Variants in CPEB2 observed in about 807,000 individuals in gnomAD.
CPEB2 encodes cytoplasmic polyadenylation element-binding protein 2.
In CPEB2, 56 loss-of-function variants were observed where a neutral mutation model predicts 93.6. That is an observed-to-expected ratio of 0.60 (90% CI 0.48 to 0.75). The LOEUF (loss-of-function observed/expected upper bound fraction) is 0.75, where lower values mean the gene tolerates loss of function less well. Among genes scored for constraint, CPEB2 ranks in the 30% least tolerant of loss-of-function variants. CPEB2 has a pLI of 0.00. For missense variants in CPEB2, 1,579 were observed against 1,395.1 expected (o/e 1.13, Z -2.10); for synonymous variants, 764 against 586.3 (o/e 1.30, Z -4.38).
chr4:15,003,120 C>G lies in CPEB2; in HGVS notation c.447C>G (p.Ser149=), dbSNP rs1191527538. 2 of 1,532,826 alleles carry G rather than the reference C, an allele frequency of 1.3e-6. No individual in the cohort carries two copies. Among genetic ancestry groups the G allele is most frequent in the Non-Finnish European group, 1.7e-6 (2 of 1,145,728 alleles). 95.0% of individuals were successfully genotyped at this position (1,532,826 alleles called of 1,614,324 possible). The change falls in exon 1 of 12, where the codon TCC becomes TCG. Residue 149 remains serine (S), a synonymous_variant. Transcript: ENST00000538197. The part of the protein sequence containing the change: ...DFKPSLHHPS[S]SSASSCCCCR... ...AACCGAGTCTGCACCACCCCTCCTCCTCCTCCGCCTCCTCCTGCTGCTGCT... is the reference window on the plus strand; with the variant it reads ...AACCGAGTCTGCACCACCCCTCCTCGTCCTCCGCCTCCTCCTGCTGCTGCT...
chr4:15,004,511 C>T (rs566530730), intron 1 of CPEB2, among the ~76,000 whole-genome samples, 176 bp downstream of exon 1: 348 of 152,188 alleles, frequency 2.3e-3, no homozygotes, highest in Middle Eastern at 3.4e-3. Flanking sequence ...GACTCGGAAC[C>T]CCAGCCCCCG....
intron 6 of CPEB2, among the ~76,000 whole-genome samples, chr4:15,048,562 G>A (rs902467093): frequency 1.3e-5 from 2 of 151,906 alleles, no homozygotes; most frequent in African/African-American, 4.8e-5. Context: ...GTTGATTGAT[G>A]TCTCTTTTTT....
At chr4:15,050,681 C>T (rs1728145093) in intron 6 of CPEB2, among the ~76,000 whole-genome samples, 1 of 152,082 alleles carries the variant, frequency 6.6e-6, no homozygotes, top group Admixed American at 6.5e-5. Context: ...CTCTTTCGTT[C>T]TTTTATTGGT....
rs1386794561 is a variant in CPEB2, at chr4:15,007,457, A to G, written c.1815A>G (p.Lys605=). ...TGAATCAGATATCTCCATTGAAGAA[A>G]CCGTTTTCTGGTAATGTCATAGCAC... The part of the protein sequence containing the change: ...GTMNQISPLK[K]PFSGNVIAPP... Residue 605 remains lysine, a synonymous_variant, in exon 2 of 12, where the codon AAA becomes AAG. Coordinates refer to ENST00000538197, the MANE Select transcript of CPEB2 (RefSeq NM_001177382.2). The G allele has an allele frequency of 1.2e-6, 2 of 1,614,054 alleles. No homozygotes were observed. Among genetic ancestry groups the G allele is most frequent in the Non-Finnish European group, 8.5e-7 (1 of 1,179,998 alleles).
intron 4 of CPEB2, 106 bp downstream of exon 4, chr4:15,017,384 A>G (rs926572276): frequency 4.2e-5 from 22 of 521,306 alleles, no homozygotes; most frequent in African/African-American, 4.1e-4. Context: ...TATCCAATAT[A>G]AAACTCTCTT....
intron 3 of CPEB2, among the ~76,000 whole-genome samples, chr4:15,008,854 A>G (rs190936868): frequency 1.3e-5 from 2 of 152,300 alleles, no homozygotes; most frequent in Non-Finnish European, 2.9e-5. Flanking sequence ...GTTTTGAGAT[A>G]TATTTCTAAA....
At chr4:15,013,583 T>A (rs1723759652) in intron 3 of CPEB2, among the ~76,000 whole-genome samples, 1 of 152,110 alleles carries the variant, frequency 6.6e-6, no homozygotes, top group African/African-American at 2.4e-5. Flanking sequence ...GCATGAGTGT[T>A]TGTTTTATAA....
intron 6 of CPEB2, among the ~76,000 whole-genome samples, chr4:15,050,254 G>T (rs1411633806): frequency 2.6e-5 from 4 of 152,154 alleles, no homozygotes; most frequent in Non-Finnish European, 5.9e-5. Flanking sequence ...TGAACTGCAT[G>T]TGTGAAGGAT....
chr4:15,051,141 TC>T (rs1374856232), intron 6 of CPEB2, among the ~76,000 whole-genome samples: 2 of 152,160 alleles, frequency 1.3e-5, no homozygotes, highest in Non-Finnish European at 2.9e-5. Flanking sequence ...GTGACTGCCA[TC>T]CATCCTTTGT....
chr4:15,002,892 G>C lies in CPEB2; in HGVS notation c.219G>C (p.Ala73=), dbSNP rs944212265. Residue 73 remains alanine, a synonymous_variant, in exon 1 of 12, where the codon GCG becomes GCC. Coordinates refer to ENST00000538197, the MANE Select transcript of CPEB2 (RefSeq NM_001177382.2). ...SPFSVPLGGG[A]GSPAAAASSS... ...TCTCCGTCCCCCTCGGCGGCGGCGC[G>C]GGCAGCCCGGCCGCCGCCGCTTCCT... The C allele has an allele frequency of 7.3e-6, 11 of 1,513,452 alleles. 1 individual carries two copies. The African/African-American group carries it at 1.6e-4, about 21-fold the overall frequency. The allele number at this position is 1,513,452 out of a possible 1,614,324, so 93.8% of individuals were successfully genotyped here.
chr4:15,066,677 C>T lies in CPEB2; in HGVS notation c.*297C>T, dbSNP rs1165551498. The T allele has an allele frequency of 8.4e-6, 3 of 357,862 alleles. No homozygotes were observed. Among genetic ancestry groups the T allele is most frequent in the East Asian group, 5.8e-5 (1 of 17,186 alleles). 22.2% of individuals were successfully genotyped at this position (357,862 alleles called of 1,614,324 possible). A position where few individuals can be genotyped will look rare whatever the true frequency, so the allele number is the denominator to read the frequency against. ...TAAAATTAGATATGAGAATGTTTTG[C>T]GTAGGGGCAACACAGTCTGCTGCTA... On this transcript the variant is annotated 3_prime_UTR_variant, in exon 12 of 12. Coordinates refer to ENST00000538197, the MANE Select transcript of CPEB2 (RefSeq NM_001177382.2).
chr4:15,014,755 TTAGA>T (rs1010936640), intron 3 of CPEB2, among the ~76,000 whole-genome samples: 7 of 152,062 alleles, frequency 4.6e-5, no homozygotes, highest in Non-Finnish European at 8.8e-5. Context: ...TATTCTGTAA[TTAGA>T]TAGTCCCTAT....
intron 5 of CPEB2, among the ~76,000 whole-genome samples, chr4:15,038,749 C>T (rs1203589615): frequency 2.6e-5 from 4 of 151,980 alleles, no homozygotes; most frequent in African/African-American, 7.3e-5. Flanking sequence ...CCACCACGCC[C>T]GGCTAATTTT....
In CPEB2 at chr4:15,004,125, C is replaced by G. The variant is rs776402861; in HGVS notation, c.1452C>G (p.Gly484=). Residue 484 remains glycine (G), a synonymous_variant, in exon 1 of 12, where the codon GGC becomes GGG. Coordinates refer to ENST00000538197, the MANE Select transcript of CPEB2 (RefSeq NM_001177382.2). ...TCAGCGTTCCGACGAGCGGCGGCGG[C>G]GGCGGCGGCTTCGGCGGCCCCTTCT... ...TGLSVPTSGG[G]GGGFGGPFSA... is the part of the protein sequence containing the mutation. The G allele has an allele frequency of 7.6e-5, 115 of 1,513,130 alleles. No homozygotes were observed. The highest frequency in any genetic ancestry group is 4.4e-4 in the East Asian group (16 of 36,372). 93.7% of individuals were successfully genotyped at this position (1,513,130 alleles called of 1,614,324 possible).
intron 4 of CPEB2, among the ~76,000 whole-genome samples, chr4:15,029,542 A>G (rs1010275115): frequency 3.3e-5 from 5 of 152,136 alleles, no homozygotes; most frequent in African/African-American, 1.2e-4. Context: ...TTATGAAATT[A>G]TCATATTTTC....
chr4:15,065,968 CAGATTTT>C (rs1729671185), intron 11 of CPEB2, among the ~76,000 whole-genome samples, 178 bp from the exon 12 acceptor site: 2 of 152,022 alleles, frequency 1.3e-5, no homozygotes, highest in South Asian at 4.1e-4. Flanking sequence ...TTTTGCAAAT[CAGATTTT>C]TATAGATTTT....
At chr4:15,014,259 C>T (rs1723839077) in intron 3 of CPEB2, among the ~76,000 whole-genome samples, 1 of 151,912 alleles carries the variant, frequency 6.6e-6, no homozygotes, top group South Asian at 2.1e-4. Flanking sequence ...AAGTTAACAA[C>T]CTAAAAAGAT....
Position 15,004,304 on chromosome 4 carries a change from T to C in CPEB2, c.1631T>C (p.Leu544Pro). The C allele has an allele frequency of 1.3e-6, 2 of 1,489,694 alleles. No individual in the cohort carries two copies. Among genetic ancestry groups the C allele is most frequent in the Non-Finnish European group, 1.8e-6 (2 of 1,127,426 alleles). The allele number at this position is 1,489,694 out of a possible 1,614,324, so 92.3% of individuals were successfully genotyped here. Residue 544 changes from leucine to proline, a missense_variant, in exon 1 of 12, where the codon CTG becomes CCG. Physicochemically the swap from Leu to Pro is moderately conservative, Grantham distance 98. Coordinates refer to ENST00000538197, the MANE Select transcript of CPEB2 (RefSeq NM_001177382.2). Reference protein sequence around the residue: ...QQHQAAAAAFLQQRNSYNHHQ... With the variant: ...QQHQAAAAAFPQQRNSYNHHQ... ...CACCAGGCGGCGGCCGCCGCCTTCC[T>C]GCAGCAGAGGAACTCCTATAACCAC...
At chr4:15,057,382 G>A (rs1728814939) in intron 8 of CPEB2, among the ~76,000 whole-genome samples, 1 of 152,108 alleles carries the variant, frequency 6.6e-6, no homozygotes, top group African/African-American at 2.4e-5. Flanking sequence ...TAAAGCTATG[G>A]TTGACAATAA....
Sources: allele counts gnomAD v4.1 joint callset (sites outside exome capture counted in the v4.1 genomes callset), GRCh38; gene constraint gnomAD v4.1.1; transcripts MANE v1.5; gene names NCBI Gene and HGNC (gene_info 2026-07-23, HGNC 2026-07-21).